Variants in FBP2 observed in about 807,000 individuals in gnomAD.
FBP2 encodes the protein fructose-1,6-bisphosphatase isozyme 2.
A neutral mutation model predicts 31.6 loss-of-function variants in FBP2; 27 were observed. That is an observed-to-expected ratio of 0.85 (90% CI 0.63 to 1.18). The LOEUF (loss-of-function observed/expected upper bound fraction) is 1.18. Ranked by LOEUF, FBP2 falls within the 50% of genes most tolerant of loss-of-function variation. FBP2 has a pLI of 0.00. For synonymous variants in FBP2, 168 were observed against 179.8 expected (o/e 0.93, Z 0.53); for missense variants, 421 against 436.1 (o/e 0.97, Z 0.31).
At chr9:94,587,552 G>C in intron 1 of FBP2, 83 bp from the exon 2 acceptor site, 1 of 1,204,252 alleles carries the variant, frequency 8.3e-7, no homozygotes, top group Non-Finnish European at 1.2e-6. Context: ...AACGCCAGCA[G>C]TGCAGTCCCC....
chr9:94,571,260 C>T (rs986567779), intron 4 of FBP2, among the ~76,000 whole-genome samples: 4 of 152,140 alleles, frequency 2.6e-5, no homozygotes, highest in African/African-American at 9.7e-5. Flanking sequence ...GCAGGACACT[C>T]CTCCCCCCGA....
chr9:94,581,501 C>T (rs2131456401), intron 3 of FBP2, among the ~76,000 whole-genome samples: 1 of 152,316 alleles, frequency 6.6e-6, no homozygotes, highest in East Asian at 1.9e-4. Context: ...CCATTCCCAT[C>T]TGGCCTGGAA....
At chr9:94,559,166 G>C in intron 6 of FBP2, 34 bp from the exon 7 acceptor site, 2 of 1,585,374 alleles carry the variant, frequency 1.3e-6, no homozygotes, top group Non-Finnish European at 1.7e-6. Flanking sequence ...AGTAAACTCT[G>C]CAAGTGGCCA....
intron 6 of FBP2, among the ~76,000 whole-genome samples, chr9:94,562,992 T>C (rs764408642): frequency 2.6e-5 from 4 of 152,164 alleles, no homozygotes; most frequent in Non-Finnish European, 5.9e-5. Flanking sequence ...TTTATTAGGC[T>C]CCCTATAGGG....
At chr9:94,589,370 C>T (rs1364792583) in intron 1 of FBP2, among the ~76,000 whole-genome samples, 1 of 152,174 alleles carries the variant, frequency 6.6e-6, no homozygotes, top group Non-Finnish European at 1.5e-5. Flanking sequence ...TGGGACGCCT[C>T]CCTGGTCCTC....
intron 3 of FBP2, among the ~76,000 whole-genome samples, chr9:94,577,019 G>A (rs767945088): frequency 4.1e-4 from 62 of 151,950 alleles, no homozygotes; most frequent in Non-Finnish European, 8.2e-4. Flanking sequence ...TATTCCTCTT[G>A]GCCAAAAGCA....
chr9:94,584,658 C>G lies in FBP2; in HGVS notation c.345G>C (p.Val115=), dbSNP rs1171859409. The change falls in exon 3 of 7, where the codon GTG becomes GTC. Residue 115 remains valine (V), a synonymous_variant. Transcript: ENST00000375337. ...ITAKEKRGKY[V]VCFDPLDGSS... The stretch of plus-strand genomic sequence containing the variant: ...ATCCATCCAGTGGGTCAAAGCAGAC[C>G]ACGTATTTCCCCTAAATCAGAGAGG... The G allele has an allele frequency of 1.9e-6, 3 of 1,610,060 alleles. No homozygotes were observed. Among genetic ancestry groups the G allele is most frequent in the Non-Finnish European group, 2.6e-6 (3 of 1,176,456 alleles).
In FBP2 at chr9:94,558,977, T is replaced by C. The variant is rs201920908; in HGVS notation, c.981A>G (p.Glu327=). 1.2e-4 allele frequency: 193 copies of C among 1,613,958 alleles called. No individual in the cohort carries two copies. The highest frequency in any genetic ancestry group is 1.1e-4 in the Non-Finnish European group (124 of 1,180,022). The change falls in exon 7 of 7, where the codon GAA becomes GAG. Residue 327 remains glutamate, a synonymous_variant. Coordinates refer to ENST00000375337, the MANE Select transcript of FBP2 (RefSeq NM_003837.4). ...LILGSPEDVQ[E]YLTCVQKNQA... is the part of the protein sequence containing the mutation. ...GATTTTTCTGCACACAGGTGAGATATTCCTGCACATCCTCTGGTGACCCCA... is the reference window on the plus strand; with the variant it reads ...GATTTTTCTGCACACAGGTGAGATACTCCTGCACATCCTCTGGTGACCCCA...
At chr9:94,583,827 A>G (rs75251127) in intron 3 of FBP2, among the ~76,000 whole-genome samples, 8,889 of 152,194 alleles carry the variant, frequency 0.058, 378 homozygotes, top group African/African-American at 0.1. Context: ...TCGACCACCT[A>G]GCCTCAAGGC....
chr9:94,591,529 C>T (rs1827503477), intron 1 of FBP2, among the ~76,000 whole-genome samples: 2 of 152,228 alleles, frequency 1.3e-5, no homozygotes, highest in Non-Finnish European at 2.9e-5. Context: ...CCTCTCCCTC[C>T]ACACCTCCCT....
chr9:94,584,888 A>G (rs536476049), intron 2 of FBP2, among the ~76,000 whole-genome samples: 2 of 152,310 alleles, frequency 1.3e-5, no homozygotes, highest in East Asian at 3.9e-4. Context: ...GTCTGATGCG[A>G]AGACCAGAAG....
At chr9:94,579,032 A>G (rs1378576901) in intron 3 of FBP2, among the ~76,000 whole-genome samples, 83 of 100,298 alleles carry the variant, frequency 8.3e-4, no homozygotes, top group Admixed American at 1.6e-3. Context: ...CAGCCTGGGC[A>G]ACAGAGAGAG....
chr9:94,573,153 T>C (rs979583241), intron 3 of FBP2: 5 of 152,364 alleles, frequency 3.3e-5, no homozygotes, highest in African/African-American at 1.2e-4. Flanking sequence ...GCTTTGTTAC[T>C]GATCTTAGAG....
chr9:94,582,153 G>A (rs1287540207), intron 3 of FBP2, among the ~76,000 whole-genome samples: 1 of 152,180 alleles, frequency 6.6e-6, no homozygotes. Flanking sequence ...GCTAGGTCTG[G>A]CCAGTTTACA....
Position 94,567,304 on chromosome 9 carries a change from G to A in FBP2, c.671C>T (p.Thr224Ile), listed in dbSNP as rs774922595. 1 of 1,614,160 alleles carries A rather than the reference G, an allele frequency of 6.2e-7. No individual in the cohort carries two copies. Among genetic ancestry groups the A allele is most frequent in the South Asian group, 1.1e-5 (1 of 91,084 alleles). ...EGYAKYFDAA[T>I]TEYVQKKKFP... ...TTTCTTTTTCTGCACATATTCAGTG[G>A]TGGCCGCATCAAAATACTTGGCATA... Residue 224 changes from threonine to isoleucine, a missense_variant, in exon 5 of 7, where the codon ACC becomes ATC. By Grantham distance (89) the Thr-to-Ile change is moderately conservative. Coordinates refer to ENST00000375337, the MANE Select transcript of FBP2 (RefSeq NM_003837.4).
intron 5 of FBP2, among the ~76,000 whole-genome samples, chr9:94,564,112 T>A (rs1564180045): frequency 6.6e-6 from 1 of 152,174 alleles, no homozygotes; most frequent in Non-Finnish European, 1.5e-5. Flanking sequence ...AGACCTCGAA[T>A]CAACACTAGA....
At chr9:94,563,764 C>T (rs1007505651) in intron 5 of FBP2, among the ~76,000 whole-genome samples, 1 of 152,100 alleles carries the variant, frequency 6.6e-6, no homozygotes, top group African/African-American at 2.4e-5. Flanking sequence ...ATCCCACATG[C>T]AGTGCCACCT....
intron 4 of FBP2, chr9:94,569,137 T>C (rs1262946227): frequency 6.6e-6 from 1 of 152,228 alleles, no homozygotes; most frequent in Non-Finnish European, 1.5e-5. Context: ...TGGATGCCAG[T>C]CTAGGAAGAC....
At chr9:94,572,428 G>A (rs1827279318) in intron 3 of FBP2, among the ~76,000 whole-genome samples, 1 of 152,190 alleles carries the variant, frequency 6.6e-6, no homozygotes, top group Non-Finnish European at 1.5e-5. Context: ...TAGAACTGGA[G>A]TACAGCATTG....
Sources: gnomAD v4.1 joint callset for allele counts (sites outside exome capture counted in the v4.1 genomes callset) on GRCh38, gnomAD v4.1.1 for gene constraint, MANE v1.5 for transcripts, NCBI Gene and HGNC (gene_info 2026-07-23, HGNC 2026-07-21) for gene names.